The following RPAP1 variants were observed in gnomAD, a reference collection of about 807,000 sequenced individuals.
RPAP1 encodes RNA polymerase II-associated protein 1.
In RPAP1, 109 loss-of-function variants were observed where a neutral mutation model predicts 142.4. The ratio of observed to expected loss-of-function variants is 0.77; its 90% CI spans 0.66 to 0.90. RPAP1 has a LOEUF of 0.90. Ranked by LOEUF, RPAP1 falls within the 40% of genes least tolerant of loss-of-function variation. The pLI, the probability that RPAP1 is intolerant of heterozygous loss-of-function variation, is 0.00. For missense variants in RPAP1, 1,546 were observed against 1,751.7 expected (o/e 0.88, Z 2.10); for synonymous variants, 704 against 738.9 (o/e 0.95, Z 0.77).
chr15:41,539,121 T>C lies in RPAP1; in HGVS notation c.-76-1920A>G, dbSNP rs142281681. ...AGCCATGAATTGTAAACTTTATTAA[T>C]TTATTGTGACAGAGTCTGGCTCTGT... On this transcript the variant is annotated intron_variant, in intron 1 of 24. Coordinates refer to ENST00000304330, the MANE Select transcript of RPAP1 (RefSeq NM_015540.4). Among the ~76,000 whole-genome samples, 15 of 152,248 alleles carry C rather than the reference T, an allele frequency of 9.9e-5. No individual in the cohort carries two copies. The East Asian group carries it at 1.9e-3, about 20-fold the overall frequency.
Position 41,521,783 on chromosome 15 carries a change from G to A in RPAP1, c.2993C>T (p.Thr998Ile), listed in dbSNP as rs1342539796. The A allele has an allele frequency of 1.2e-6, 2 of 1,614,060 alleles. No homozygotes were observed. Among genetic ancestry groups the A allele is most frequent in the Non-Finnish European group, 8.5e-7 (1 of 1,180,056 alleles). ...SRLLPGSEYL[T>I]HELLLSCVFR... ...TACACAGCTCAGCAGCAGCTCATGGGTGAGGTACTCACTTCCGGGCAGCAG... is the reference window on the plus strand; with the variant it reads ...TACACAGCTCAGCAGCAGCTCATGGATGAGGTACTCACTTCCGGGCAGCAG... The change falls in exon 21 of 25, where the codon ACC (threonine) becomes ATC (isoleucine). Residue 998 changes from threonine to isoleucine, a missense_variant. This residue lies in a region of RPAP1 where 1,333 missense variants were observed against 1,486.6 expected (regional missense o/e 0.90). Transcript: ENST00000304330.
At chr15:41,538,696 T>G (rs945540956) in intron 1 of RPAP1, among the ~76,000 whole-genome samples, 1 of 152,224 alleles carries the variant, frequency 6.6e-6, no homozygotes, top group Non-Finnish European at 1.5e-5. Flanking sequence ...AGTTTCCATA[T>G]GTAGTCTTCA....
rs2051813077 is a variant in RPAP1 at position 41,528,014 on chromosome 15, T to C, written c.1274A>G (p.Glu425Gly). ...ACTGCCTGCTAGCCGGTCCCCAAAC[T>C]CACCAGCCTGGGCCTGAGGGCAGGA... Reference protein sequence around the residue: ...AQVISRAQAGEFGDRLAGSVL... With the variant: ...AQVISRAQAGGFGDRLAGSVL... The change falls in exon 11 of 25, where the codon GAG (glutamate) becomes GGG (glycine). Residue 425 changes from glutamate (E) to glycine (G), a missense_variant. Coordinates refer to ENST00000304330, the MANE Select transcript of RPAP1 (RefSeq NM_015540.4). 3 of 1,613,700 alleles carry C rather than the reference T, an allele frequency of 1.9e-6. No individual in the cohort carries two copies. Among genetic ancestry groups the C allele is most frequent in the Non-Finnish European group, 2.5e-6 (3 of 1,179,930 alleles).
At chr15:41,528,067 G>T in intron 10 of RPAP1, 40 bp from the exon 11 acceptor site, 1 of 1,606,376 alleles carries the variant, frequency 6.2e-7, no homozygotes, top group Non-Finnish European at 8.5e-7. Context: ...AGATGCTGAA[G>T]TTATCTAGAG....
chr15:41,539,098 C>A (rs1342051704), intron 1 of RPAP1, among the ~76,000 whole-genome samples: 1 of 152,004 alleles, frequency 6.6e-6, no homozygotes. Flanking sequence ...ATACTAAAAG[C>A]CATGAATTGT....
At chr15:41,541,086 G>A (rs2051967871) in intron 1 of RPAP1, among the ~76,000 whole-genome samples, 1 of 151,892 alleles carries the variant, frequency 6.6e-6, no homozygotes, top group Non-Finnish European at 1.5e-5. Context: ...TGAAGGATAA[G>A]ATAGGCCTCC....
chr15:41,534,061 G>A (rs1346595052), intron 6 of RPAP1, among the ~76,000 whole-genome samples: 1 of 151,556 alleles, frequency 6.6e-6, no homozygotes, highest in East Asian at 1.9e-4. Context: ...GGCGGAGGTT[G>A]CAGTGAGCCT....
At chr15:41,521,677 C>A (rs998897361) in intron 21 of RPAP1, 61 bp downstream of exon 21, 1 of 1,575,578 alleles carries the variant, frequency 6.3e-7, no homozygotes, top group Admixed American at 1.8e-5. Context: ...CAGGGCTGCT[C>A]TGTTAACAAC....
rs1228805380 is a variant in RPAP1 at position 41,522,184 on chromosome 15, C to A, written c.2809G>T (p.Ala937Ser). Residue 937 changes from alanine to serine, a missense_variant, in exon 20 of 25, where the codon GCC (alanine) becomes TCC (serine). This residue lies in a region of RPAP1 where 1,333 missense variants were observed against 1,486.6 expected (regional missense o/e 0.90). Transcript: ENST00000304330. ...YFLQCVAPGA[A>S]PHLTPFSAWA... ...GCAGAGAAAGGTGTGAGGTGTGGGG[C>A]AGCCCCAGGAGCCACACACTGGAGG... The A allele has an allele frequency of 2.5e-6, 4 of 1,613,974 alleles. No individual in the cohort carries two copies. The African/African-American group carries it at 5.3e-5, about 22-fold the overall frequency.
chr15:41,522,700 CTTTCTTTCTGATT>C, intron 19 of RPAP1, 52 bp downstream of exon 19: 1 of 1,232,458 alleles, frequency 8.1e-7, no homozygotes, highest in African/African-American at 1.6e-5. Flanking sequence ...CACCCTCCCA[CTTTCTTTCTGATT>C]CCTGCCATCT....
chr15:41,521,945 G>A, intron 20 of RPAP1, 65 bp from the exon 21 acceptor site: 2 of 1,587,006 alleles, frequency 1.3e-6, no homozygotes, highest in Admixed American at 3.4e-5. Flanking sequence ...GAGAAGTGAG[G>A]AAGAGGATAA....
At position 41,527,928 on chromosome 15, in the gene RPAP1, T is replaced by C; in HGVS notation, c.1360A>G (p.Arg454Gly). ...GCGGTTGCAATGACCCCATCCACTC[T>C]GTCATCCAAGGAGAAGCGCAGTAGG... ...LFLLRFSLDD[R>G]VDGVIATAIR... Residue 454 changes from arginine (R) to glycine (G), a missense_variant, in exon 11 of 25, where the codon AGA becomes GGA. By Grantham distance (125) the Arg-to-Gly change is moderately radical. This residue lies in a region of RPAP1 where 1,333 missense variants were observed against 1,486.6 expected (regional missense o/e 0.90). Transcript: ENST00000304330. 3 of 1,614,074 alleles carry C rather than the reference T, an allele frequency of 1.9e-6. No homozygotes were observed. Among genetic ancestry groups the C allele is most frequent in the Non-Finnish European group, 2.5e-6 (3 of 1,180,014 alleles).
At chr15:41,518,620 G>A in intron 22 of RPAP1, 1 of 153,636 alleles carries the variant, frequency 6.5e-6, no homozygotes, top group Non-Finnish European at 1.4e-5. Context: ...GGCGGAGGTT[G>A]CAGTGAGCCG....
chr15:41,523,735 C>T lies in RPAP1; in HGVS notation c.2436+36G>A, dbSNP rs1345856951. 13 of 1,542,844 alleles carry T rather than the reference C, an allele frequency of 8.4e-6. No individual in the cohort carries two copies. In the East Asian group the frequency reaches 9.6e-5, roughly 11 times the overall value. ...GTGGAATGTAGCTGAAGGCAGGGTG[C>T]GGGGGCCTGGTGGACAGCCGGCAGG... On this transcript the variant is annotated intron_variant, in intron 17 of 24. Coordinates refer to ENST00000304330, the MANE Select transcript of RPAP1 (RefSeq NM_015540.4).
At chr15:41,528,427 A>G (rs1458478490) in intron 9 of RPAP1, 91 bp from the exon 10 acceptor site, 1 of 885,318 alleles carries the variant, frequency 1.1e-6, no homozygotes. Context: ...GACAAAGATA[A>G]ATAAGTGAAA....
chr15:41,533,996 C>T (rs1015096054), intron 6 of RPAP1, among the ~76,000 whole-genome samples: 11 of 151,532 alleles, frequency 7.3e-5, no homozygotes, highest in Non-Finnish European at 1.3e-4. Flanking sequence ...GTGGTGGGCA[C>T]CTGTAATCCC....
chr15:41,536,036 C>T (rs2051902466), intron 4 of RPAP1, 93 bp downstream of exon 4: 1 of 885,650 alleles, frequency 1.1e-6, no homozygotes, highest in Non-Finnish European at 1.8e-6. Flanking sequence ...AATTAAATTG[C>T]TTATCATCAT....
In RPAP1 at chr15:41,537,170, G is replaced by A; in HGVS notation, c.-45C>T. The A allele has an allele frequency of 6.3e-7, 1 of 1,576,090 alleles. No homozygotes were observed. The highest frequency in any genetic ancestry group is 8.6e-7 in the Non-Finnish European group (1 of 1,157,622). ...CCCCAGTACGACTCTCTCCAGCAGT[G>A]TCTCCGTGTGGGGGTTCCCTCTTAT... On this transcript the variant is annotated 5_prime_UTR_variant, in exon 2 of 25. Coordinates refer to ENST00000304330, the MANE Select transcript of RPAP1 (RefSeq NM_015540.4).
At position 41,531,074 on chromosome 15, in the gene RPAP1, C is replaced by A. The variant is rs537340628; in HGVS notation, c.892G>T (p.Ala298Ser). ...CTCTTCCTGGGCTCACTGGCAAAAG[C>A]TGACATGAGGGGTTCCTCCTTGGTG... ...NVTKEEPLMSAFASEPRKRDK... is the reference protein window; with the variant it reads ...NVTKEEPLMSSFASEPRKRDK... The change falls in exon 7 of 25, where the codon GCT becomes TCT. Residue 298 changes from alanine (A) to serine (S), a missense_variant. Ala to Ser is a moderately conservative substitution (Grantham distance 99, BLOSUM62 1). Transcript: ENST00000304330. 13 of 1,613,994 alleles carry A rather than the reference C, an allele frequency of 8.1e-6. No homozygotes were observed. The Admixed American group carries it at 1.0e-4, about 12-fold the overall frequency.
Sources: gnomAD v4.1 joint callset for allele counts (sites outside exome capture counted in the v4.1 genomes callset) on GRCh38, gnomAD v4.1.1 for gene constraint, gnomAD v4.1.1 regional missense constraint, MANE v1.5 for transcripts, NCBI Gene and HGNC (gene_info 2026-07-23, HGNC 2026-07-21) for gene names.